The following TTLL7 variants were observed in gnomAD, a reference collection of about 807,000 sequenced individuals.
The protein encoded by TTLL7 is tubulin tyrosine ligase like 7, also known as tubulin polyglutamylase TTLL7.
In TTLL7, 53 loss-of-function variants were observed where a neutral mutation model predicts 120.2. That is an observed-to-expected ratio of 0.44 (90% CI 0.35 to 0.55). The LOEUF (loss-of-function observed/expected upper bound fraction) is 0.55, where lower values mean the gene tolerates loss of function less well. Ranked by LOEUF, TTLL7 falls within the 20% of genes least tolerant of loss-of-function variation. The pLI, the probability that TTLL7 is intolerant of heterozygous loss-of-function variation, is 0.00. For missense variants in TTLL7, 803 were observed against 1,054.7 expected (o/e 0.76, Z 3.31); for synonymous variants, 353 against 351.7 (o/e 1.00, Z -0.04).
intron 1 of TTLL7, among the ~76,000 whole-genome samples, chr1:83,978,064 T>C (rs925322547): frequency 6.6e-6 from 1 of 152,178 alleles, no homozygotes; most frequent in Non-Finnish European, 1.5e-5. Context: ...TGTAGGTACA[T>C]AGTAGACATA....
chr1:83,903,730 T>C (rs1334882523), intron 18 of TTLL7, among the ~76,000 whole-genome samples: 1 of 151,992 alleles, frequency 6.6e-6, no homozygotes, highest in Non-Finnish European at 1.5e-5. Flanking sequence ...GACACAGCCA[T>C]CCTTTTTTTT....
At chr1:83,994,512 AGCACAGTCTCTCTCCT>A (rs1460994969) in intron 1 of TTLL7, among the ~76,000 whole-genome samples, 1 of 152,222 alleles carries the variant, frequency 6.6e-6, no homozygotes, top group Admixed American at 6.5e-5. Context: ...AGGAAACTGA[AGCACAGTCTCTCTCCT>A]GCATGAGGGG....
At chr1:83,940,613 A>G (rs770436104) in intron 7 of TTLL7, among the ~76,000 whole-genome samples, 1 of 152,048 alleles carries the variant, frequency 6.6e-6, no homozygotes, top group Non-Finnish European at 1.5e-5. Flanking sequence ...CACAAATCCA[A>G]CCTGTGACCA....
intron 1 of TTLL7, among the ~76,000 whole-genome samples, chr1:83,959,694 G>A (rs1176360154): frequency 1.3e-5 from 2 of 151,986 alleles, no homozygotes; most frequent in African/African-American, 2.4e-5. Flanking sequence ...CAACCACAAA[G>A]ATTAATAATA....
At position 83,926,643 on chromosome 1, in the gene TTLL7, G is replaced by T. The variant is rs149003175; in HGVS notation, c.1142+2493C>A. Among the ~76,000 whole-genome samples the T allele has an allele frequency of 2.4e-3, 371 of 152,300 alleles. 3 individuals are homozygous for T. Among genetic ancestry groups the T allele is most frequent in the African/African-American group, 8.7e-3 (360 of 41,564 alleles). On this transcript the variant is annotated intron_variant, in intron 10 of 20. Transcript: ENST00000260505. ...AAACTCAGAGACTAGTGTCAGAGAA[G>T]GCCAGTGAGGCTAAATGTTCAATGG... is the stretch of plus-strand genomic sequence containing the variant.
In TTLL7 at chr1:83,958,915, C is replaced by T. The variant is rs577356581; in HGVS notation, c.-176-6528G>A. ...TGACAAGCTCCTAGGTATGCTGGTT[C>T]ACAGACCACACTTTGAGTAGCAAGG... is the stretch of plus-strand genomic sequence containing the variant. On this transcript the variant is annotated intron_variant, in intron 1 of 20. Coordinates refer to ENST00000260505, the MANE Select transcript of TTLL7 (RefSeq NM_024686.6). Among the ~76,000 whole-genome samples the T allele has an allele frequency of 5.3e-5, 8 of 152,244 alleles. No individual in the cohort carries two copies. The East Asian group carries it at 1.4e-3, about 26-fold the overall frequency.
intron 1 of TTLL7, among the ~76,000 whole-genome samples, chr1:83,992,442 G>GA (rs61667840): frequency 7.4e-5 from 11 of 148,904 alleles, no homozygotes; most frequent in Non-Finnish European, 1.0e-4. Flanking sequence ...ATACTCTAAA[G>GA]AAAAAAAAAA....
intron 14 of TTLL7, among the ~76,000 whole-genome samples, chr1:83,916,851 A>T: frequency 6.6e-6 from 1 of 152,194 alleles, no homozygotes; most frequent in East Asian, 1.9e-4. Flanking sequence ...GCACTTTGGT[A>T]GGCCAAGGCA....
chr1:83,936,502 G>A (rs1234615809), intron 8 of TTLL7, among the ~76,000 whole-genome samples: 1 of 152,110 alleles, frequency 6.6e-6, no homozygotes, highest in African/African-American at 2.4e-5. Flanking sequence ...CCATTTTGAT[G>A]CTTCTGACTC....
chr1:83,926,997 T>C (rs899714034), intron 10 of TTLL7, among the ~76,000 whole-genome samples: 1 of 152,152 alleles, frequency 6.6e-6, no homozygotes, highest in Admixed American at 6.6e-5. Flanking sequence ...CCAAGCCTAA[T>C]GTTTTAAAAA....
intron 7 of TTLL7, among the ~76,000 whole-genome samples, chr1:83,941,823 G>T (rs1002894671): frequency 6.6e-6 from 1 of 151,756 alleles, no homozygotes. Flanking sequence ...CACAAAAAAA[G>T]TCTTAATGAA....
chr1:83,995,024 TACTC>T (rs1292917051), intron 1 of TTLL7, among the ~76,000 whole-genome samples: 1 of 152,118 alleles, frequency 6.6e-6, no homozygotes, highest in Non-Finnish European at 1.5e-5. Context: ...TATCAACTCT[TACTC>T]ACTCTCACCA....
chr1:83,923,981 C>T (rs1310825154), intron 10 of TTLL7, among the ~76,000 whole-genome samples: 4 of 152,148 alleles, frequency 2.6e-5, no homozygotes, highest in African/African-American at 9.7e-5. Context: ...ACTAGAAGTT[C>T]TATGAGCTTG....
At chr1:83,961,419 C>T (rs1650008888) in intron 1 of TTLL7, among the ~76,000 whole-genome samples, 1 of 152,062 alleles carries the variant, frequency 6.6e-6, no homozygotes, top group Admixed American at 6.6e-5. Flanking sequence ...AGAGCAACCA[C>T]ACAAATGTCT....
At position 83,947,228 on chromosome 1, in the gene TTLL7, A is replaced by G; in HGVS notation, c.402T>C (p.Phe134=). 1 of 1,612,726 alleles carries G rather than the reference A, an allele frequency of 6.2e-7. No individual in the cohort carries two copies. The highest frequency in any genetic ancestry group is 8.5e-7 in the Non-Finnish European group (1 of 1,179,570). Residue 134 remains phenylalanine, a synonymous_variant, in exon 6 of 21, where the codon TTT becomes TTC. Transcript: ENST00000260505. Reference sequence around the variant, plus strand: ...TTTGGAATTGAGTATATTCAGCAGGAAAGATCCAAGTTCGAGGAACAAAGG... The same window carrying G: ...TTTGGAATTGAGTATATTCAGCAGGGAAGATCCAAGTTCGAGGAACAAAGG... The part of the protein sequence containing the change: ...DYTFVPRTWI[F]PAEYTQFQNY...
chr1:83,972,182 T>C (rs542879198), intron 1 of TTLL7, among the ~76,000 whole-genome samples: 1 of 152,094 alleles, frequency 6.6e-6, no homozygotes, highest in Non-Finnish European at 1.5e-5. Context: ...TTCTATGGGT[T>C]TGGACCAATG....
chr1:83,966,140 T>C (rs947608815), intron 1 of TTLL7, among the ~76,000 whole-genome samples: 3 of 151,944 alleles, frequency 2.0e-5, no homozygotes, highest in Admixed American at 1.3e-4. Flanking sequence ...CAGATGACTC[T>C]CCATAAATAA....
In TTLL7 at chr1:83,906,370, G is replaced by A; in HGVS notation, c.2086C>T (p.Pro696Ser). 1 of 1,612,406 alleles carries A rather than the reference G, an allele frequency of 6.2e-7. No individual in the cohort carries two copies. The highest frequency in any genetic ancestry group is 1.3e-5 in the African/African-American group (1 of 74,908). The change falls in exon 17 of 21, where the codon CCA (proline) becomes TCA (serine). Residue 696 changes from proline (P) to serine (S), a missense_variant. Pro to Ser is a moderately conservative substitution (Grantham distance 74). Around this residue, in one of 3 missense-constraint regions of TTLL7, gnomAD observed 388 missense variants for 450.4 expected, o/e 0.86. Coordinates refer to ENST00000260505, the MANE Select transcript of TTLL7 (RefSeq NM_024686.6). ...TCTGATTCTGCATCTGACTTTCCTG[G>A]AAACCGGATCTTCATGTCTTTGAGA... ...FVLKDMKIRF[P>S]GKSDAESELL...
intron 1 of TTLL7, among the ~76,000 whole-genome samples, chr1:83,961,516 C>G (rs567127): frequency 6.6e-6 from 1 of 152,050 alleles, no homozygotes; most frequent in Non-Finnish European, 1.5e-5. Context: ...AATGATAACA[C>G]AGCATACCTT....
Sources: allele counts gnomAD v4.1 joint callset (sites outside exome capture counted in the v4.1 genomes callset), GRCh38; gene constraint gnomAD v4.1.1; regional missense constraint gnomAD v4.1.1; transcripts MANE v1.5; gene names NCBI Gene and HGNC (gene_info 2026-07-23, HGNC 2026-07-21).